The following WWOX variants were observed in gnomAD, a reference collection of about 807,000 sequenced individuals.
WWOX encodes WW domain containing oxidoreductase, also known as WW domain-containing oxidoreductase.
WWOX carries 69 observed loss-of-function variants against 46.2 expected under a neutral mutation model. The observed-to-expected ratio is 1.49, with a 90% CI of 1.23 to 1.82. WWOX has a LOEUF of 1.82. Among genes scored for constraint, WWOX ranks in the 40% most tolerant of loss-of-function variants. WWOX has a pLI of 0.00. For missense variants in WWOX, 919 were observed against 542.6 expected (o/e 1.69, Z -6.89); for synonymous variants, 359 against 202.6 (o/e 1.77, Z -6.56).
chr16:78,373,646 T>TA (rs59031349), intron 5 of WWOX, among the ~76,000 whole-genome samples: 8,003 of 152,140 alleles, frequency 0.053, 279 homozygotes, highest in East Asian at 0.12. Flanking sequence ...TTTTTTTTTT[T>TA]AATTCTAGTC....
chr16:79,178,159 A>G (rs8049855), intron 8 of WWOX, among the ~76,000 whole-genome samples: 1,791 of 152,294 alleles, frequency 0.012, 30 homozygotes, highest in African/African-American at 0.041. Context: ...TGAGGATGCA[A>G]ACCTTCAGAC....
intron 8 of WWOX, among the ~76,000 whole-genome samples, chr16:78,558,748 G>A (rs984621304): frequency 9.2e-5 from 14 of 152,200 alleles, no homozygotes; most frequent in Admixed American, 6.5e-4. Flanking sequence ...ATCAAGCTTG[G>A]AAAGGCCTGG....
intron 8 of WWOX, among the ~76,000 whole-genome samples, chr16:78,594,431 C>G (rs760750047): frequency 1.6e-4 from 2 of 12,902 alleles, no homozygotes; most frequent in Admixed American, 8.0e-4. Flanking sequence ...GAGGAAAGGC[C>G]CCCCCCCCCC....
At chr16:78,197,634 A>G (rs1005311191) in intron 5 of WWOX, among the ~76,000 whole-genome samples, 1 of 152,188 alleles carries the variant, frequency 6.6e-6, no homozygotes, top group Admixed American at 6.5e-5. Context: ...CATCCTAAGG[A>G]GAGGGGGAGA....
chr16:78,700,984 A>T (rs762647016), intron 8 of WWOX, among the ~76,000 whole-genome samples: 1 of 152,128 alleles, frequency 6.6e-6, no homozygotes, highest in Non-Finnish European at 1.5e-5. Context: ...AGGAAGTACA[A>T]TGTCCTGGAG....
chr16:78,693,932 A>T (rs1207951787), intron 8 of WWOX, among the ~76,000 whole-genome samples: 1 of 152,120 alleles, frequency 6.6e-6, no homozygotes, highest in African/African-American at 2.4e-5. Context: ...AAAAATCAAG[A>T]TGTAAAAAGG....
chr16:78,797,358 T>TAAA lies in WWOX; in HGVS notation c.1056+364626_1056+364628dup, dbSNP rs57291441. 6.0e-3 allele frequency among the ~76,000 whole-genome samples: 694 copies of TAAA among 116,584 alleles called. 7 individuals are homozygous for TAAA. Among genetic ancestry groups the TAAA allele is most frequent in the South Asian group, 0.016 (61 of 3,706 alleles). The allele number at this position is 116,584 out of a possible 152,430, so 76.5% of individuals were successfully genotyped here. A position where few individuals can be genotyped will look rare whatever the true frequency, so the allele number is the denominator to read the frequency against. Reference sequence around the variant, plus strand: ...TATGCAATTTTAAGGGTCAAAGTGGTAAAAAAAAAAAAAAAAAAAAAAGGA... The same window carrying TAAA: ...TATGCAATTTTAAGGGTCAAAGTGGTAAAAAAAAAAAAAAAAAAAAAAAAAGGA... On this transcript the variant is annotated intron_variant, in intron 8 of 8. Coordinates refer to ENST00000566780, the MANE Select transcript of WWOX (RefSeq NM_016373.4).
intron 8 of WWOX, among the ~76,000 whole-genome samples, chr16:79,056,972 C>G (rs1003160267): frequency 6.6e-6 from 1 of 152,176 alleles, no homozygotes; most frequent in Non-Finnish European, 1.5e-5. Context: ...TTATCTATCA[C>G]TTTTGAAAAT....
chr16:79,005,778 C>T (rs549829287), intron 8 of WWOX, among the ~76,000 whole-genome samples: 2 of 152,332 alleles, frequency 1.3e-5, no homozygotes, highest in East Asian at 1.9e-4. Context: ...AGGTCACATT[C>T]TGAGGCCCTG....
intron 8 of WWOX, among the ~76,000 whole-genome samples, chr16:78,718,312 C>G (rs2048615572): frequency 6.6e-6 from 1 of 151,346 alleles, no homozygotes; most frequent in Admixed American, 6.6e-5. Flanking sequence ...TCACTGGATA[C>G]CATCATAAAA....
intron 8 of WWOX, among the ~76,000 whole-genome samples, chr16:79,054,174 G>A (rs369408536): frequency 6.6e-6 from 1 of 152,312 alleles, no homozygotes; most frequent in East Asian, 1.9e-4. Flanking sequence ...TGAGCTGCAT[G>A]TACCAATATA....
intron 8 of WWOX, among the ~76,000 whole-genome samples, chr16:78,932,451 C>T (rs769726909): frequency 6.6e-5 from 10 of 152,232 alleles, no homozygotes; most frequent in Non-Finnish European, 1.2e-4. Context: ...CTTTGCCCCT[C>T]AAAATGTGCA....
chr16:79,004,584 C>T (rs925760454), intron 8 of WWOX: 1 of 152,282 alleles, frequency 6.6e-6, no homozygotes, highest in East Asian at 1.9e-4. Context: ...AGGCCTCTGG[C>T]TTGCAGGTTC....
chr16:78,405,298 A>G (rs1007323532), intron 6 of WWOX, among the ~76,000 whole-genome samples: 36 of 152,136 alleles, frequency 2.4e-4, no homozygotes, highest in African/African-American at 8.7e-4. Flanking sequence ...GTTTTGGATT[A>G]TTTTCTCTAT....
At position 79,212,268 on chromosome 16, in the gene WWOX, A is replaced by C; in HGVS notation, c.*472A>C. On this transcript the variant is annotated 3_prime_UTR_variant, in exon 9 of 9. Coordinates refer to ENST00000566780, the MANE Select transcript of WWOX (RefSeq NM_016373.4). ...GATCCAGGAGATAATTGTTTCATTC[A>C]TCCTGACCAAGACTGAGCCAGCTTA... 1 of 1,263,746 alleles carries C rather than the reference A, an allele frequency of 7.9e-7. No homozygotes were observed. The highest frequency in any genetic ancestry group is 2.9e-5 in the Admixed American group (1 of 34,786). The allele number at this position is 1,263,746 out of a possible 1,614,324, so 78.3% of individuals were successfully genotyped here. A position where few individuals can be genotyped will look rare whatever the true frequency, so the allele number is the denominator to read the frequency against.
chr16:78,770,435 C>A (rs2050036643), intron 8 of WWOX, among the ~76,000 whole-genome samples: 1 of 152,144 alleles, frequency 6.6e-6, no homozygotes, highest in African/African-American at 2.4e-5. Context: ...GGCAGTACAC[C>A]CAGGAAAGAG....
At chr16:78,482,173 T>C (rs1459590319) in intron 8 of WWOX, among the ~76,000 whole-genome samples, 1 of 152,152 alleles carries the variant, frequency 6.6e-6, no homozygotes, top group Non-Finnish European at 1.5e-5. Context: ...ACAGCCCTCA[T>C]TAGTGAAGCA....
chr16:78,821,052 C>T (rs1379157966), intron 8 of WWOX, among the ~76,000 whole-genome samples: 1 of 152,154 alleles, frequency 6.6e-6, no homozygotes, highest in Admixed American at 6.5e-5. Flanking sequence ...GACCCTGTTT[C>T]CAAATAAAGT....
intron 8 of WWOX, among the ~76,000 whole-genome samples, chr16:78,441,630 G>C (rs1389991101): frequency 6.6e-6 from 1 of 152,052 alleles, no homozygotes; most frequent in African/African-American, 2.4e-5. Flanking sequence ...GACAGCTCTC[G>C]GGTCCAGCCC....
Sources: allele counts gnomAD v4.1 joint callset (sites outside exome capture counted in the v4.1 genomes callset), GRCh38; gene constraint gnomAD v4.1.1; transcripts MANE v1.5; gene names NCBI Gene and HGNC (gene_info 2026-07-23, HGNC 2026-07-21).